The following UBXN7 variants were observed in gnomAD, a reference collection of about 807,000 sequenced individuals.
The protein encoded by UBXN7 is UBX domain-containing protein 7.
Under a neutral mutation model 58.0 loss-of-function variants are expected in UBXN7, and 9 were observed. The observed-to-expected ratio is 0.16, with a 90% CI of 0.09 to 0.27. The LOEUF is 0.27. Among genes scored for constraint, UBXN7 ranks in the 10% least tolerant of loss-of-function variants. The probability of loss-of-function intolerance (pLI) is 1.00; values close to 1 mark genes in which losing one functional copy is unlikely to be tolerated. For missense variants in UBXN7, 328 were observed against 599.6 expected, an observed-to-expected ratio of 0.55 and a Z score of 4.73; for synonymous variants, 208 against 205.0, an observed-to-expected ratio of 1.01 and a Z score of -0.12.
chr3:196,389,141 G>A (rs1462676849), intron 5 of UBXN7, among the ~76,000 whole-genome samples: 2 of 152,110 alleles, frequency 1.3e-5, no homozygotes, highest in East Asian at 3.8e-4. Flanking sequence ...AATAAAAATA[G>A]AACACGTGCC....
intron 8 of UBXN7, among the ~76,000 whole-genome samples, chr3:196,367,444 T>C (rs1236444375): frequency 1.3e-5 from 2 of 152,132 alleles, no homozygotes; most frequent in South Asian, 4.1e-4. Flanking sequence ...TGCTCAACTA[T>C]ACCATGACAG....
intron 3 of UBXN7, among the ~76,000 whole-genome samples, chr3:196,398,161 T>C (rs887916306): frequency 6.6e-6 from 1 of 152,228 alleles, no homozygotes; most frequent in Non-Finnish European, 1.5e-5. Context: ...CCCCAGGCAA[T>C]AGCCACATGA....
rs1560213679 is a variant in UBXN7 at position 196,351,484 on chromosome 3, TAAAAAAAAGAGA to T, written c.*5189_*5200del. The T allele has an allele frequency of 6.7e-6, 1 of 149,916 alleles. No individual in the cohort carries two copies. Among genetic ancestry groups the T allele is most frequent in the Non-Finnish European group, 1.5e-5 (1 of 67,444 alleles). The allele number at this position is 149,916 out of a possible 1,614,324, so 9.3% of individuals were successfully genotyped here. A position where few individuals can be genotyped will look rare whatever the true frequency, so the allele number is the denominator to read the frequency against. ...GGTCAAATGATACCTGAACACAGAA[TAAAAAAAAGAGA>T]GAAAAAAAAAGTAAAGAAACTGATT... On this transcript the variant is annotated 3_prime_UTR_variant, in exon 11 of 11. Transcript: ENST00000296328.
chr3:196,350,057 T>C lies in UBXN7; in HGVS notation c.*6628A>G, dbSNP rs905393617. On this transcript the variant is annotated 3_prime_UTR_variant, in exon 11 of 11. Coordinates refer to ENST00000296328, the MANE Select transcript of UBXN7 (RefSeq NM_015562.2). ...ACAATAATGCGACTTCTCATATTTATAGATTAATCTGTGATTGCTCTTGGG... is the reference window on the plus strand; with the variant it reads ...ACAATAATGCGACTTCTCATATTTACAGATTAATCTGTGATTGCTCTTGGG... 3.3e-5 allele frequency: 5 copies of C among 152,262 alleles called. No individual in the cohort carries two copies. The highest frequency in any genetic ancestry group is 7.3e-5 in the Non-Finnish European group (5 of 68,046). 9.4% of individuals were successfully genotyped at this position (152,262 alleles called of 1,614,324 possible).
intron 5 of UBXN7, among the ~76,000 whole-genome samples, chr3:196,381,519 C>A (rs949601742): frequency 2.0e-5 from 3 of 152,180 alleles, no homozygotes; most frequent in African/African-American, 4.8e-5. Flanking sequence ...GATAAAACCG[C>A]AAAGATGGGG....
chr3:196,359,044 T>C (rs1728431986), intron 10 of UBXN7, among the ~76,000 whole-genome samples: 1 of 152,138 alleles, frequency 6.6e-6, no homozygotes, highest in South Asian at 2.1e-4. Flanking sequence ...GAGAAAATGC[T>C]TCCAACGCCC....
In UBXN7 at chr3:196,361,938, TAA is replaced by T. The variant is rs368893517; in HGVS notation, c.1229-17_1229-16del. 4.3e-3 allele frequency: 5,891 copies of T among 1,383,922 alleles called. No homozygotes were observed. The highest frequency in any genetic ancestry group is 6.0e-3 in the Admixed American group (284 of 47,000). 85.7% of individuals were successfully genotyped at this position (1,383,922 alleles called of 1,614,324 possible). A position where few individuals can be genotyped will look rare whatever the true frequency, so the allele number is the denominator to read the frequency against. ...TGCTTTTGGTCCTAAAGGAAGGGTT[TAA>T]AAAAAAAAAAAAAACGGGATACAGG... On this transcript the variant is annotated splice_polypyrimidine_tract_variant and intron_variant, in intron 9 of 10. Transcript: ENST00000296328.
At chr3:196,375,994 A>T (rs1376085465) in intron 5 of UBXN7, among the ~76,000 whole-genome samples, 1 of 152,166 alleles carries the variant, frequency 6.6e-6, no homozygotes, top group Non-Finnish European at 1.5e-5. Context: ...ATGCCACTGC[A>T]CTCCAGCCTA....
rs766998089 is a variant in UBXN7 at position 196,362,585 on chromosome 3, G to A, written c.937C>T (p.Arg313Cys). ...TCAGATTCAGATTCTTCATCTGAGC[G>A]GCTATCCTGTTTTGTCTGTGTTGAA... ...FDSTQTKQDS[R>C]SDEESESELF... The change falls in exon 9 of 11, where the codon CGC becomes TGC. Residue 313 changes from arginine (R) to cysteine (C), a missense_variant. Coordinates refer to ENST00000296328, the MANE Select transcript of UBXN7 (RefSeq NM_015562.2). 19 of 1,614,134 alleles carry A rather than the reference G, an allele frequency of 1.2e-5. No homozygotes were observed. Among genetic ancestry groups the A allele is most frequent in the African/African-American group, 2.7e-5 (2 of 75,030 alleles).
At chr3:196,417,739 A>G (rs1429538827) in intron 1 of UBXN7, among the ~76,000 whole-genome samples, 1 of 147,434 alleles carries the variant, frequency 6.8e-6, no homozygotes. Context: ...AAAAAAAAAA[A>G]AAAAAAAAAA....
chr3:196,355,029 G>T lies in UBXN7; in HGVS notation c.*1656C>A, dbSNP rs1728306930. ...AGAGTTCCTCAAAATTCAACCATTAGAAACCATATCCTATAACTGTGTACT... is the reference window on the plus strand; with the variant it reads ...AGAGTTCCTCAAAATTCAACCATTATAAACCATATCCTATAACTGTGTACT... On this transcript the variant is annotated 3_prime_UTR_variant, in exon 11 of 11. Coordinates refer to ENST00000296328, the MANE Select transcript of UBXN7 (RefSeq NM_015562.2). The T allele has an allele frequency of 6.6e-6, 1 of 151,984 alleles. No individual in the cohort carries two copies. The allele number at this position is 151,984 out of a possible 1,614,324, so 9.4% of individuals were successfully genotyped here. A position where few individuals can be genotyped will look rare whatever the true frequency, so the allele number is the denominator to read the frequency against.
At chr3:196,416,426 G>A (rs1016612520) in intron 1 of UBXN7, among the ~76,000 whole-genome samples, 2 of 151,858 alleles carry the variant, frequency 1.3e-5, no homozygotes, top group African/African-American at 2.4e-5. Flanking sequence ...GCAAGACTCT[G>A]TCTCAAAAAT....
intron 1 of UBXN7, among the ~76,000 whole-genome samples, chr3:196,418,606 C>T (rs912107022): frequency 1.3e-5 from 2 of 152,168 alleles, no homozygotes. Flanking sequence ...GCTTCAAAGA[C>T]ATCTATAACA....
At chr3:196,417,901 A>G (rs1476987613) in intron 1 of UBXN7, among the ~76,000 whole-genome samples, 1 of 151,642 alleles carries the variant, frequency 6.6e-6, no homozygotes, top group East Asian at 1.9e-4. Context: ...AACCTGGGTG[A>G]CAGAGCAAAA....
In UBXN7 at chr3:196,355,937, AG is replaced by A; in HGVS notation, c.*747del. Reference sequence around the variant, plus strand: ...ACTTCATGTCCATTCTTGGACTAGCAGGATCAATACAGAGTAATAAGGAAAA... The same window carrying A: ...ACTTCATGTCCATTCTTGGACTAGCAGATCAATACAGAGTAATAAGGAAAA... On this transcript the variant is annotated 3_prime_UTR_variant, in exon 11 of 11. Coordinates refer to ENST00000296328, the MANE Select transcript of UBXN7 (RefSeq NM_015562.2). The A allele has an allele frequency of 6.6e-6, 1 of 152,476 alleles. No homozygotes were observed. Among genetic ancestry groups the A allele is most frequent in the East Asian group, 1.9e-4 (1 of 5,184 alleles). The allele number at this position is 152,476 out of a possible 1,614,324, so 9.4% of individuals were successfully genotyped here.
rs1006555090 is a variant in UBXN7, at chr3:196,362,173, T to C, written c.1228+121A>G. 18 of 1,339,494 alleles carry C rather than the reference T, an allele frequency of 1.3e-5. No homozygotes were observed. In the African/African-American group the frequency reaches 1.5e-4, roughly 11 times the overall value. 83.0% of individuals were successfully genotyped at this position (1,339,494 alleles called of 1,614,324 possible). On this transcript the variant is annotated intron_variant, in intron 9 of 10. Transcript: ENST00000296328. ...CACACCTGGCTAAGTTTTGTATTTT[T>C]AGTAGAGACAGGGTTTTGCCATGTT...
chr3:196,404,285 C>CG (rs1560236953), intron 2 of UBXN7, among the ~76,000 whole-genome samples: 1 of 128,036 alleles, frequency 7.8e-6, no homozygotes, highest in Non-Finnish European at 1.6e-5. Context: ...TTTTTTGAGA[C>CG]GGAGTCTCAC....
intron 1 of UBXN7, among the ~76,000 whole-genome samples, chr3:196,415,560 G>A (rs1342464462): frequency 3.3e-5 from 5 of 149,362 alleles, no homozygotes; most frequent in Admixed American, 3.3e-4. Context: ...GTGGTCACGA[G>A]GTCAGGAGCT....
chr3:196,377,358 A>T (rs1481915518), intron 5 of UBXN7, among the ~76,000 whole-genome samples: 2 of 152,152 alleles, frequency 1.3e-5, no homozygotes, highest in Non-Finnish European at 2.9e-5. Context: ...ATTTTCCCTC[A>T]GACCTCCCCA....
Sources: allele counts gnomAD v4.1 joint callset (sites outside exome capture counted in the v4.1 genomes callset), GRCh38; gene constraint gnomAD v4.1.1; transcripts MANE v1.5; gene names NCBI Gene and HGNC (gene_info 2026-07-23, HGNC 2026-07-21).